The following IMPG2 variants were observed in gnomAD, a reference collection of about 807,000 sequenced individuals.
IMPG2 encodes interphotoreceptor matrix proteoglycan 2.
IMPG2 carries 91 observed loss-of-function variants against 129.2 expected under a neutral mutation model. The ratio of observed to expected loss-of-function variants is 0.70; its 90% CI spans 0.59 to 0.84. The LOEUF (loss-of-function observed/expected upper bound fraction) is 0.84. IMPG2 is among the 40% of genes least tolerant of loss of function. The probability of loss-of-function intolerance (pLI) is 0.00; values close to 1 mark genes in which losing one functional copy is unlikely to be tolerated. For missense variants in IMPG2, 1,430 were observed against 1,461.7 expected, an observed-to-expected ratio of 0.98 and a Z score of 0.35; for synonymous variants, 510 against 517.7, an observed-to-expected ratio of 0.99 and a Z score of 0.20.
At chr3:101,251,398 C>T (rs1706542704) in intron 11 of IMPG2, among the ~76,000 whole-genome samples, 1 of 151,952 alleles carries the variant, frequency 6.6e-6, no homozygotes, top group Admixed American at 6.5e-5. Flanking sequence ...GATAAATATT[C>T]CCTAAAAAAT....
chr3:101,275,459 C>G (rs1458814792), intron 6 of IMPG2, among the ~76,000 whole-genome samples: 1 of 152,152 alleles, frequency 6.6e-6, no homozygotes, highest in Non-Finnish European at 1.5e-5. Flanking sequence ...AAGCTCTCAC[C>G]AAAAACTCAC....
chr3:101,310,415 C>T (rs570318), intron 2 of IMPG2, among the ~76,000 whole-genome samples: 108,834 of 151,444 alleles, frequency 0.72, 40,200 homozygotes, highest in East Asian at 0.84. Flanking sequence ...AGAAATTAGC[C>T]GGGCATGGTG....
Position 101,253,749 on chromosome 3 carries a change from G to T in IMPG2, c.1186C>A (p.Leu396Ile). The T allele has an allele frequency of 6.2e-7, 1 of 1,611,684 alleles. No homozygotes were observed. The highest frequency in any genetic ancestry group is 8.5e-7 in the Non-Finnish European group (1 of 1,178,780). Residue 396 changes from leucine (L) to isoleucine (I), a missense_variant, in exon 11 of 19, where the codon CTA (leucine) becomes ATA (isoleucine). Physicochemically the swap from Leu to Ile is conservative, Grantham distance 5. Coordinates refer to ENST00000193391, the MANE Select transcript of IMPG2 (RefSeq NM_016247.4). ...RGVLRHQTED[L>I]VWNTQSSSLQ... Reference sequence around the variant, plus strand: ...CTTGAACTTTGGGTGTTCCAAACTAGATCTTCAGTTTGGTGACGCAAAACT... The same window carrying T: ...CTTGAACTTTGGGTGTTCCAAACTATATCTTCAGTTTGGTGACGCAAAACT...
intron 2 of IMPG2, among the ~76,000 whole-genome samples, chr3:101,319,035 G>T (rs1006576265): frequency 6.6e-6 from 1 of 151,982 alleles, no homozygotes; most frequent in Non-Finnish European, 1.5e-5. Context: ...CATTATATTT[G>T]TATATATAAT....
chr3:101,295,708 A>G (rs547640545), intron 3 of IMPG2, among the ~76,000 whole-genome samples: 33 of 151,832 alleles, frequency 2.2e-4, no homozygotes, highest in Non-Finnish European at 3.2e-4. Context: ...ATGTTTTTTC[A>G]TTTGTTTGTG....
chr3:101,246,918 C>G (rs1300249694), intron 11 of IMPG2, among the ~76,000 whole-genome samples: 3 of 151,766 alleles, frequency 2.0e-5, no homozygotes, highest in Non-Finnish European at 2.9e-5. Context: ...GGCAATATAG[C>G]AAGACCGCAT....
At chr3:101,228,441 G>C (rs1273211049) in intron 18 of IMPG2, among the ~76,000 whole-genome samples, 2 of 152,158 alleles carry the variant, frequency 1.3e-5, no homozygotes, top group Non-Finnish European at 2.9e-5. Flanking sequence ...GACAACAAGA[G>C]AGAAAATATG....
chr3:101,250,515 G>C (rs1706532460), intron 11 of IMPG2, among the ~76,000 whole-genome samples: 1 of 152,098 alleles, frequency 6.6e-6, no homozygotes, highest in African/African-American at 2.4e-5. Flanking sequence ...ATGCCTGTTA[G>C]AGAACTGAGG....
intron 4 of IMPG2, among the ~76,000 whole-genome samples, chr3:101,277,956 T>C (rs1706855641): frequency 6.6e-6 from 1 of 152,176 alleles, no homozygotes; most frequent in African/African-American, 2.4e-5. Flanking sequence ...CTCTTCAAGT[T>C]GGGCACAGTG....
chr3:101,233,935 T>C (rs760149103), intron 14 of IMPG2, among the ~76,000 whole-genome samples: 7 of 152,022 alleles, frequency 4.6e-5, no homozygotes, highest in Non-Finnish European at 1.0e-4. Flanking sequence ...ACATACATAA[T>C]GTTTTGAAAA....
At chr3:101,296,538 G>A (rs999126543) in intron 3 of IMPG2, among the ~76,000 whole-genome samples, 8 of 152,150 alleles carry the variant, frequency 5.3e-5, no homozygotes, top group South Asian at 2.1e-4. Context: ...TTTTTGTTGC[G>A]TCTCTTCCAG....
chr3:101,291,601 A>G (rs1021887237), intron 3 of IMPG2, 91 bp from the exon 4 acceptor site: 1 of 865,572 alleles, frequency 1.2e-6, no homozygotes, highest in Non-Finnish European at 1.9e-6. Flanking sequence ...CTACTGCCCT[A>G]CCATGGTAGA....
intron 10 of IMPG2, among the ~76,000 whole-genome samples, chr3:101,257,283 CT>C (rs1374821785): frequency 6.6e-6 from 1 of 152,092 alleles, no homozygotes; most frequent in African/African-American, 2.4e-5. Context: ...GCTCCTATTT[CT>C]CTAAACTACT....
At position 101,233,121 on chromosome 3, in the gene IMPG2, A is replaced by T. The variant is rs528510542; in HGVS notation, c.3023-130T>A. ...CTTTCCAGAACCATTAAAGTACACC[A>T]TCGCCACCAATACCACACACAAAAA... On this transcript the variant is annotated intron_variant, in intron 14 of 18. Coordinates refer to ENST00000193391, the MANE Select transcript of IMPG2 (RefSeq NM_016247.4). 6 of 776,912 alleles carry T rather than the reference A, an allele frequency of 7.7e-6. No individual in the cohort carries two copies. In the East Asian group the frequency reaches 1.6e-4, roughly 20 times the overall value. 48.1% of individuals were successfully genotyped at this position (776,912 alleles called of 1,614,324 possible).
chr3:101,272,320 C>A (rs988008068), intron 7 of IMPG2, among the ~76,000 whole-genome samples: 10 of 152,144 alleles, frequency 6.6e-5, no homozygotes, highest in Admixed American at 6.5e-4. Context: ...CTGTTTCATG[C>A]AAAGTGACTG....
intron 4 of IMPG2, among the ~76,000 whole-genome samples, chr3:101,285,368 T>C (rs1164663208): frequency 1.3e-5 from 2 of 152,184 alleles, no homozygotes; most frequent in African/African-American, 2.4e-5. Context: ...CTGAATGTGC[T>C]ACAGACACAG....
chr3:101,303,245 C>T (rs1049110988), intron 3 of IMPG2, among the ~76,000 whole-genome samples: 1 of 152,152 alleles, frequency 6.6e-6, no homozygotes, highest in Non-Finnish European at 1.5e-5. Flanking sequence ...TGCATATTTA[C>T]TACCTTATGG....
At position 101,244,710 on chromosome 3, in the gene IMPG2, G is replaced by C. The variant is rs1706456760; in HGVS notation, c.1621C>G (p.Pro541Ala). The C allele has an allele frequency of 6.2e-7, 1 of 1,613,882 alleles. No individual in the cohort carries two copies. Among genetic ancestry groups the C allele is most frequent in the Admixed American group, 1.7e-5 (1 of 59,990 alleles). ...TCCATGGATGGTATTGTTTCTTTTG[G>C]CACAGGTTGAGTGAATGAACTTGAA... ...LPSSSFTQPV[P>A]KETIPSMEDS... The change falls in exon 13 of 19, where the codon CCA becomes GCA. Residue 541 changes from proline to alanine, a missense_variant. Transcript: ENST00000193391.
Position 101,232,842 on chromosome 3 carries a change from G to A in IMPG2, c.3172C>T (p.Pro1058Ser), listed in dbSNP as rs1176943043. 48 of 1,613,438 alleles carry A rather than the reference G, an allele frequency of 3.0e-5. No homozygotes were observed. Among genetic ancestry groups the A allele is most frequent in the Non-Finnish European group, 3.9e-5 (46 of 1,179,928 alleles). The change falls in exon 15 of 19, where the codon CCT (proline) becomes TCT (serine). Residue 1058 changes from proline to serine, a missense_variant. By Grantham distance (74) the Pro-to-Ser change is moderately conservative. Coordinates refer to ENST00000193391, the MANE Select transcript of IMPG2 (RefSeq NM_016247.4). ...RPCQSLCDLQ[P>S]DFCLNDGKCD... The stretch of plus-strand genomic sequence containing the variant: ...TTTCCATCATTCAAGCAGAAGTCAG[G>A]CTGTAGGTCACAGAGACTCTGACAG...
Sources: gnomAD v4.1 joint callset for allele counts (sites outside exome capture counted in the v4.1 genomes callset) on GRCh38, gnomAD v4.1.1 for gene constraint, MANE v1.5 for transcripts, NCBI Gene and HGNC (gene_info 2026-07-23, HGNC 2026-07-21) for gene names.